KDM4B: variants seen among roughly 807,000 people sequenced by gnomAD.
KDM4B encodes the protein lysine demethylase 4B, also known as lysine-specific demethylase 4B.
KDM4B carries 32 observed loss-of-function variants against 125.2 expected under a neutral mutation model. The observed-to-expected ratio is 0.26, with a 90% confidence interval of 0.19 to 0.34. The LOEUF is 0.34. Among genes scored for constraint, KDM4B ranks in the 10% least tolerant of loss-of-function variants. The probability of loss-of-function intolerance (pLI) is 1.00; values close to 1 mark genes in which losing one functional copy is unlikely to be tolerated. For synonymous variants in KDM4B, 721 were observed against 677.9 expected, an observed-to-expected ratio of 1.06 and a Z score of -0.99; for missense variants, 1,190 against 1,577.7, an observed-to-expected ratio of 0.75 and a Z score of 4.16.
intron 9 of KDM4B, among the ~76,000 whole-genome samples, chr19:5,086,832 TC>T (rs2038516863): frequency 6.6e-6 from 1 of 152,224 alleles, no homozygotes; most frequent in African/African-American, 2.4e-5. Flanking sequence ...CTGCGGAGCA[TC>T]CCTGGCTGCC....
intron 1 of KDM4B, among the ~76,000 whole-genome samples, chr19:4,979,736 G>A (rs560244066): frequency 1.3e-5 from 2 of 152,224 alleles, no homozygotes; most frequent in Non-Finnish European, 2.9e-5. Context: ...CCTTAGAAAT[G>A]ATCCTGCCAT....
At chr19:5,096,596 C>T (rs1005810841) in intron 9 of KDM4B, among the ~76,000 whole-genome samples, 10 of 152,192 alleles carry the variant, frequency 6.6e-5, no homozygotes, top group African/African-American at 2.2e-4. Flanking sequence ...ACATCAGTGG[C>T]GCCTGTTGCC....
At chr19:5,129,000 C>G (rs2039498493) in intron 11 of KDM4B, among the ~76,000 whole-genome samples, 1 of 152,148 alleles carries the variant, frequency 6.6e-6, no homozygotes, top group African/African-American at 2.4e-5. Flanking sequence ...CCGGCCAGTG[C>G]CCCCAGTGCC....
intron 1 of KDM4B, among the ~76,000 whole-genome samples, chr19:5,004,811 A>G (rs182290538): frequency 6.6e-6 from 1 of 151,576 alleles, no homozygotes; most frequent in Non-Finnish European, 1.5e-5. Context: ...TCCGGAATAC[A>G]CTCCCTACTG....
chr19:5,140,700 A>C (rs547232380), intron 18 of KDM4B: 1 of 151,966 alleles, frequency 6.6e-6, no homozygotes, highest in East Asian at 1.9e-4. Context: ...GCGCCACTGC[A>C]CTCCAGCCTG....
intron 8 of KDM4B, chr19:5,080,819 A>T (rs1443421121): frequency 6.6e-6 from 1 of 152,258 alleles, no homozygotes; most frequent in East Asian, 1.9e-4. Flanking sequence ...AGGAGGATAG[A>T]TAAATAAATA....
intron 4 of KDM4B, 101 bp from the exon 5 acceptor site, chr19:5,041,036 C>A: frequency 2.8e-6 from 2 of 716,308 alleles, no homozygotes; most frequent in Non-Finnish European, 4.8e-6. Context: ...CAGAGCCCCT[C>A]CCGCCTCTTT....
intron 1 of KDM4B, among the ~76,000 whole-genome samples, chr19:4,978,339 T>G (rs2034520742): frequency 6.6e-6 from 1 of 151,342 alleles, no homozygotes; most frequent in Non-Finnish European, 1.5e-5. Context: ...AAACCCCATC[T>G]CTACTAAAAA....
intron 5 of KDM4B, 28 bp from the exon 6 acceptor site, chr19:5,047,447 GT>G (rs1277153305): frequency 1.3e-6 from 2 of 1,574,968 alleles, no homozygotes; most frequent in African/African-American, 2.7e-5. Context: ...TGGCCGGGCG[GT>G]TGCCGACGCT....
intron 5 of KDM4B, 72 bp downstream of exon 5, chr19:5,041,323 GA>G: frequency 8.4e-7 from 1 of 1,192,686 alleles, no homozygotes; most frequent in East Asian, 2.4e-5. Context: ...CCCTGAACGG[GA>G]CTCTGCCTTG....
At chr19:5,061,068 C>T (rs1459662080) in intron 6 of KDM4B, among the ~76,000 whole-genome samples, 1 of 152,190 alleles carries the variant, frequency 6.6e-6, no homozygotes, top group South Asian at 2.1e-4. Flanking sequence ...GACCCAGCCC[C>T]GGTTCCGGAG....
At chr19:5,147,079 C>T (rs999449751) in intron 21 of KDM4B, among the ~76,000 whole-genome samples, 2 of 151,802 alleles carry the variant, frequency 1.3e-5, no homozygotes, top group African/African-American at 4.8e-5. Flanking sequence ...CTGGCCCAGG[C>T]AGGTCGGACT....
At chr19:5,116,431 GAC>G (rs2039257832) in intron 10 of KDM4B, among the ~76,000 whole-genome samples, 1 of 152,152 alleles carries the variant, frequency 6.6e-6, no homozygotes, top group Non-Finnish European at 1.5e-5. Flanking sequence ...GATCTTTTTA[GAC>G]ACACAGAGTC....
At chr19:5,056,199 G>GAAGACC (rs2037390178) in intron 6 of KDM4B, among the ~76,000 whole-genome samples, 1 of 152,138 alleles carries the variant, frequency 6.6e-6, no homozygotes, top group African/African-American at 2.4e-5. Flanking sequence ...TTTTAGGGAG[G>GAAGACC]AAGACCACAG....
chr19:5,051,595 A>G (rs2037225593), intron 6 of KDM4B, among the ~76,000 whole-genome samples: 1 of 152,214 alleles, frequency 6.6e-6, no homozygotes. Context: ...GGCGAGAGGA[A>G]GGCCCTCCTG....
rs565753539 is a variant in KDM4B, at chr19:5,123,399, C to T, written c.1315+3547C>T. On this transcript the variant is annotated intron_variant, in intron 11 of 22. Coordinates refer to ENST00000159111, the MANE Select transcript of KDM4B (RefSeq NM_015015.3). ...CTTGGAGGCAGCACCTTTGTGTTCC[C>T]GTGTTCTCCCGGAGTGTGTCTGTCC... 1.1e-4 allele frequency among the ~76,000 whole-genome samples: 17 copies of T among 152,320 alleles called. No homozygotes were observed. The South Asian group carries it at 3.5e-3, about 32-fold the overall frequency.
In KDM4B at chr19:5,145,036, G is replaced by A. The variant is rs553265621; in HGVS notation, c.3021+134G>A. The A allele has an allele frequency of 3.4e-6, 4 of 1,172,328 alleles. No homozygotes were observed. In the African/African-American group the frequency reaches 6.3e-5, roughly 18 times the overall value. The allele number at this position is 1,172,328 out of a possible 1,614,324, so 72.6% of individuals were successfully genotyped here. On this transcript the variant is annotated intron_variant, in intron 21 of 22. Transcript: ENST00000159111. ...GCGGGTGTGGGCCATGGTTAGTGAGGCCCGCAGGACCCAGCTGAGCCTTGG... is the reference window on the plus strand; with the variant it reads ...GCGGGTGTGGGCCATGGTTAGTGAGACCCGCAGGACCCAGCTGAGCCTTGG...
rs756290036 is a variant in KDM4B at position 5,151,463 on chromosome 19, C to T, written c.3243C>T (p.Phe1081=). Residue 1081 remains phenylalanine (F), a synonymous_variant, in exon 23 of 23, where the codon TTC becomes TTT. Transcript: ENST00000159111. ...DSGRSQDYVA[F]VESLLQVQGR... ...GGCGGAGCCAGGACTACGTGGCCTT[C>T]GTGGAGAGCCTCCTGCAGGTGCAGG... 2.8e-5 allele frequency: 43 copies of T among 1,519,068 alleles called. No homozygotes were observed. Among genetic ancestry groups the T allele is most frequent in the East Asian group, 1.3e-4 (5 of 38,726 alleles). 94.1% of individuals were successfully genotyped at this position (1,519,068 alleles called of 1,614,324 possible).
At chr19:4,984,863 G>A (rs1007747419) in intron 1 of KDM4B, among the ~76,000 whole-genome samples, 2 of 152,132 alleles carry the variant, frequency 1.3e-5, no homozygotes, top group Non-Finnish European at 2.9e-5. Flanking sequence ...TGGGGGTCTG[G>A]CACCTGCTCC....
Sources: allele counts gnomAD v4.1 joint callset (sites outside exome capture counted in the v4.1 genomes callset), GRCh38; gene constraint gnomAD v4.1.1; transcripts MANE v1.5; gene names NCBI Gene and HGNC (gene_info 2026-07-23, HGNC 2026-07-21).